CHN1: variants seen among roughly 807,000 people sequenced by gnomAD.
CHN1 encodes chimerin 1.
Under a neutral mutation model 59.5 loss-of-function variants are expected in CHN1, and 37 were observed. The observed-to-expected ratio is 0.62, with a 90% CI of 0.48 to 0.82. The LOEUF (loss-of-function observed/expected upper bound fraction) is 0.82. CHN1 is among the 40% of genes least tolerant of loss of function. The probability of loss-of-function intolerance (pLI) is 0.00; values close to 1 mark genes in which losing one functional copy is unlikely to be tolerated. For missense variants in CHN1, 469 were observed against 571.0 expected (o/e 0.82, Z 1.82); for synonymous variants, 206 against 200.4 (o/e 1.03, Z -0.24).
chr2:174,990,307 G>A (rs1691503204), intron 1 of CHN1, among the ~76,000 whole-genome samples: 1 of 144,018 alleles, frequency 6.9e-6, no homozygotes, highest in Non-Finnish European at 1.5e-5. Flanking sequence ...AAGAGCAAGA[G>A]TGCGAGGTCG....
chr2:174,877,869 T>TAGAA lies in CHN1; in HGVS notation c.516_519dup (p.Thr174PhefsTer17). 1.2e-6 allele frequency: 2 copies of TAGAA among 1,613,770 alleles called. No homozygotes were observed. The highest frequency in any genetic ancestry group is 2.2e-5 in the South Asian group (2 of 91,030). On this transcript the variant is annotated frameshift_variant, in exon 6 of 13. Transcript: ENST00000409900. LOFTEE classifies it high-confidence loss of function. ...TTCTCTGACACCCCATCCTGGCCTG[T>TAGAA]AGAATCTCTCTCATCATGTGTCTCT...
At chr2:174,944,799 T>A in intron 3 of CHN1, 89 bp downstream of exon 3, 1 of 860,862 alleles carries the variant, frequency 1.2e-6, no homozygotes, top group Non-Finnish European at 1.8e-6. Flanking sequence ...GTGGTTAATC[T>A]CACAAACAAC....
chr2:174,995,632 G>C (rs1265981055), intron 1 of CHN1, among the ~76,000 whole-genome samples: 1 of 152,174 alleles, frequency 6.6e-6, no homozygotes, highest in African/African-American at 2.4e-5. Flanking sequence ...GATCTGACAG[G>C]GGGTGGAGCG....
At chr2:174,993,678 A>C (rs570896543) in intron 1 of CHN1, among the ~76,000 whole-genome samples, 79 of 152,214 alleles carry the variant, frequency 5.2e-4, no homozygotes, top group Non-Finnish European at 8.7e-4. Flanking sequence ...TCACAGCTAC[A>C]ATCAGAGGGA....
chr2:174,867,639 AGAAT>A (rs1258817355), intron 6 of CHN1, among the ~76,000 whole-genome samples: 1 of 152,202 alleles, frequency 6.6e-6, no homozygotes, highest in Non-Finnish European at 1.5e-5. Flanking sequence ...GAATATTGAA[AGAAT>A]GAATGAATAA....
intron 5 of CHN1, among the ~76,000 whole-genome samples, chr2:174,914,169 T>C (rs994005075): frequency 1.3e-5 from 2 of 152,164 alleles, no homozygotes; most frequent in Non-Finnish European, 2.9e-5. Context: ...TAACAATACA[T>C]AGAGTTGTTG....
chr2:174,959,554 T>A (rs1350671760), intron 1 of CHN1, among the ~76,000 whole-genome samples: 1 of 152,140 alleles, frequency 6.6e-6, no homozygotes, highest in African/African-American at 2.4e-5. Context: ...GGAAGAAACA[T>A]TACCCCAATC....
At chr2:174,800,447 TTAAAG>T (rs1684684437) in intron 12 of CHN1, among the ~76,000 whole-genome samples, 160 bp from the exon 13 acceptor site, 1 of 152,248 alleles carries the variant, frequency 6.6e-6, no homozygotes, top group East Asian at 1.9e-4. Context: ...CTGACTTTCC[TTAAAG>T]TAAATTATGT....
chr2:174,946,085 G>A (rs1374397977), intron 2 of CHN1, among the ~76,000 whole-genome samples: 1 of 152,084 alleles, frequency 6.6e-6, no homozygotes, highest in Non-Finnish European at 1.5e-5. Context: ...AAACCATCTG[G>A]AGTCTGAACA....
intron 1 of CHN1, among the ~76,000 whole-genome samples, chr2:174,974,932 CACACAG>C (rs1690875341): frequency 6.7e-6 from 1 of 148,322 alleles, no homozygotes; most frequent in Admixed American, 6.7e-5. Flanking sequence ...CACACACACA[CACACAG>C]AACAAATCGA....
chr2:174,920,560 A>T (rs982710789), intron 3 of CHN1, among the ~76,000 whole-genome samples: 1 of 152,220 alleles, frequency 6.6e-6, no homozygotes. Flanking sequence ...CTCAAAGCCT[A>T]TCTTTTCAGT....
intron 1 of CHN1, among the ~76,000 whole-genome samples, chr2:174,970,882 C>T (rs528977101): frequency 6.6e-6 from 1 of 152,230 alleles, no homozygotes; most frequent in South Asian, 2.1e-4. Flanking sequence ...CTGTATAAGG[C>T]CAGATTTTCT....
intron 12 of CHN1, among the ~76,000 whole-genome samples, chr2:174,801,482 G>A (rs1311163454): frequency 6.6e-6 from 1 of 152,138 alleles, no homozygotes; most frequent in Non-Finnish European, 1.5e-5. Flanking sequence ...AACATATACT[G>A]GAACTGCAAA....
In CHN1 at chr2:174,957,056, GATTC is replaced by G. The variant is rs1690231340; in HGVS notation, c.20-4858_20-4855del. On this transcript the variant is annotated intron_variant, in intron 1 of 12. Transcript: ENST00000409900. ...GACACCTTATTTCGTATATACCGTTGATTCATTAACACTGAACTCACAGCAACAA... is the reference window on the plus strand; with the variant it reads ...GACACCTTATTTCGTATATACCGTTGATTAACACTGAACTCACAGCAACAA... Among the ~76,000 whole-genome samples, 3 of 152,182 alleles carry G rather than the reference GATTC, an allele frequency of 2.0e-5. No individual in the cohort carries two copies. The South Asian group carries it at 6.2e-4, about 32-fold the overall frequency.
At chr2:174,807,357 T>C (rs868730674) in intron 11 of CHN1, among the ~76,000 whole-genome samples, 61 of 152,154 alleles carry the variant, frequency 4.0e-4, no homozygotes, top group Non-Finnish European at 1.3e-4. Flanking sequence ...TCAGTTTTAC[T>C]TCCAGAGTGG....
chr2:174,969,755 A>G (rs1455153927), intron 1 of CHN1, among the ~76,000 whole-genome samples: 1 of 151,294 alleles, frequency 6.6e-6, no homozygotes, highest in African/African-American at 2.4e-5. Context: ...TCAATTTTAT[A>G]TTGTTGTTTG....
chr2:174,852,821 G>T (rs1686780211), intron 6 of CHN1, among the ~76,000 whole-genome samples: 1 of 152,118 alleles, frequency 6.6e-6, no homozygotes, highest in Admixed American at 6.5e-5. Context: ...ACAAAAATAA[G>T]TAATGGAGAA....
At chr2:174,959,648 C>G (rs977002323) in intron 1 of CHN1, among the ~76,000 whole-genome samples, 1 of 152,126 alleles carries the variant, frequency 6.6e-6, no homozygotes, top group African/African-American at 2.4e-5. Context: ...CAAGAAGAGG[C>G]AGAGACATTC....
intron 8 of CHN1, 63 bp from the exon 9 acceptor site, chr2:174,812,545 GTGTTAA>G: frequency 6.4e-7 from 1 of 1,554,370 alleles, no homozygotes; most frequent in South Asian, 1.2e-5. Flanking sequence ...GCATTCTGGA[GTGTTAA>G]TTTTAGCAAA....
Sources: allele counts gnomAD v4.1 joint callset (sites outside exome capture counted in the v4.1 genomes callset), GRCh38; gene constraint gnomAD v4.1.1; transcripts MANE v1.5; gene names NCBI Gene and HGNC (gene_info 2026-07-23, HGNC 2026-07-21).